Variants in KIAA0825 observed in about 807,000 individuals in gnomAD.
KIAA0825 encodes the protein uncharacterized protein KIAA0825.
A neutral mutation model predicts 147.6 loss-of-function variants in KIAA0825; 119 were observed. The observed-to-expected ratio is 0.81, with a 90% CI of 0.69 to 0.94. KIAA0825 has a LOEUF of 0.94. Ranked by LOEUF, KIAA0825 falls within the 40% of genes least tolerant of loss-of-function variation. The probability of loss-of-function intolerance (pLI) is 0.00; values close to 1 mark genes in which losing one functional copy is unlikely to be tolerated. For missense variants in KIAA0825, 1,381 were observed against 1,472.7 expected (o/e 0.94, Z 1.02); for synonymous variants, 470 against 518.1 (o/e 0.91, Z 1.26).
intron 1 of KIAA0825, among the ~76,000 whole-genome samples, chr5:94,600,950 G>A (rs1295867100): frequency 6.6e-6 from 1 of 152,122 alleles, no homozygotes; most frequent in Admixed American, 6.5e-5. Context: ...TAGAGGGAGG[G>A]GTTGGCCGCC....
At chr5:94,439,874 G>T in intron 14 of KIAA0825, 108 bp downstream of exon 14, 1 of 1,131,698 alleles carries the variant, frequency 8.8e-7, no homozygotes, top group Non-Finnish European at 1.2e-6. Context: ...GTTGATACAT[G>T]CTATTGGTTT....
At chr5:94,201,539 C>G (rs187406561) in intron 20 of KIAA0825, among the ~76,000 whole-genome samples, 23 of 151,974 alleles carry the variant, frequency 1.5e-4, no homozygotes, top group African/African-American at 5.3e-4. Context: ...TTCTGAGTAG[C>G]CTGGAATACA....
chr5:94,356,243 C>CA (rs1384864313), intron 20 of KIAA0825, among the ~76,000 whole-genome samples: 3 of 152,006 alleles, frequency 2.0e-5, no homozygotes, highest in African/African-American at 7.2e-5. Flanking sequence ...TCCAGTTGTG[C>CA]AAAAAGCAAA....
At chr5:94,171,730 A>G (rs1242570105) in intron 20 of KIAA0825, among the ~76,000 whole-genome samples, 1 of 152,114 alleles carries the variant, frequency 6.6e-6, no homozygotes, top group Non-Finnish European at 1.5e-5. Context: ...AGATTGTTTA[A>G]TTAAGATTGT....
At chr5:94,311,315 G>A (rs1466728625) in intron 20 of KIAA0825, among the ~76,000 whole-genome samples, 1 of 151,038 alleles carries the variant, frequency 6.6e-6, no homozygotes, top group East Asian at 1.9e-4. Context: ...TAAAAGAGCA[G>A]GGGGACGAAT....
At chr5:94,356,981 C>T (rs929613109) in intron 20 of KIAA0825, among the ~76,000 whole-genome samples, 1 of 151,950 alleles carries the variant, frequency 6.6e-6, no homozygotes, top group African/African-American at 2.4e-5. Context: ...CCTCGGCCTC[C>T]CAAAGTGCTG....
At chr5:94,237,095 T>C (rs1326140715) in intron 20 of KIAA0825, among the ~76,000 whole-genome samples, 4 of 151,860 alleles carry the variant, frequency 2.6e-5, no homozygotes, top group African/African-American at 7.3e-5. Flanking sequence ...GTGTAAGTTC[T>C]CTATATGTAT....
intron 20 of KIAA0825, among the ~76,000 whole-genome samples, chr5:94,206,943 G>A (rs1202249669): frequency 6.6e-6 from 1 of 152,104 alleles, no homozygotes; most frequent in Non-Finnish European, 1.5e-5. Context: ...ATACCACATT[G>A]CTGTTCTTTT....
intron 14 of KIAA0825, among the ~76,000 whole-genome samples, chr5:94,430,142 T>C (rs1391312368): frequency 6.6e-6 from 1 of 152,082 alleles, no homozygotes; most frequent in Non-Finnish European, 1.5e-5. Context: ...GGGTGTATAG[T>C]AGAGAGGGTC....
At chr5:94,588,557 T>C (rs1411332930) in intron 1 of KIAA0825, among the ~76,000 whole-genome samples, 1 of 152,200 alleles carries the variant, frequency 6.6e-6, no homozygotes, top group Non-Finnish European at 1.5e-5. Flanking sequence ...GGAGAGGATG[T>C]GGAGAAATAG....
At chr5:94,386,432 G>C in intron 18 of KIAA0825, 28 bp from the exon 19 acceptor site, 1 of 1,525,260 alleles carries the variant, frequency 6.6e-7, no homozygotes, top group South Asian at 1.2e-5. Flanking sequence ...TACAAGTTGT[G>C]ACGGTGAGAA....
At chr5:94,510,456 G>C (rs1349912740) in intron 5 of KIAA0825, among the ~76,000 whole-genome samples, 2 of 152,172 alleles carry the variant, frequency 1.3e-5, no homozygotes, top group Non-Finnish European at 2.9e-5. Flanking sequence ...TCTTTCTTCA[G>C]TGTTGAAAAG....
At chr5:94,284,799 T>C (rs774851560) in intron 20 of KIAA0825, among the ~76,000 whole-genome samples, 1 of 152,182 alleles carries the variant, frequency 6.6e-6, no homozygotes, top group Non-Finnish European at 1.5e-5. Context: ...CATCCTTTGA[T>C]TGCCCATTCA....
At chr5:94,529,449 TGTAGTG>T (rs1770309106) in intron 3 of KIAA0825, among the ~76,000 whole-genome samples, 4 of 141,508 alleles carry the variant, frequency 2.8e-5, no homozygotes, top group Admixed American at 7.0e-5. Context: ...TATGTATATA[TGTAGTG>T]TATATATATA....
At chr5:94,425,957 C>T (rs1055531682) in intron 14 of KIAA0825, among the ~76,000 whole-genome samples, 3 of 151,872 alleles carry the variant, frequency 2.0e-5, no homozygotes, top group Non-Finnish European at 4.4e-5. Context: ...AAGTGATCCT[C>T]CCAACTCAGC....
At position 94,180,417 on chromosome 5, in the gene KIAA0825, G is replaced by A. The variant is rs1325122723; in HGVS notation, c.3711-26293C>T. Among the ~76,000 whole-genome samples, 6 of 152,208 alleles carry A rather than the reference G, an allele frequency of 3.9e-5. No individual in the cohort carries two copies. The East Asian group carries it at 1.2e-3, about 29-fold the overall frequency. On this transcript the variant is annotated intron_variant, in intron 20 of 20. Coordinates refer to ENST00000682413, the MANE Select transcript of KIAA0825 (RefSeq NM_001145678.3). ...GATATGACAACTAAATGTAATGTGA[G>A]ATTTTGGAAAACAAAAGGATGATAA... is the stretch of plus-strand genomic sequence containing the variant.
chr5:94,224,228 C>T (rs997363422), intron 20 of KIAA0825, among the ~76,000 whole-genome samples: 3 of 150,962 alleles, frequency 2.0e-5, no homozygotes, highest in Non-Finnish European at 4.4e-5. Context: ...TCCTGAGTAG[C>T]TGGGATTACA....
At chr5:94,339,534 G>A (rs1004838513) in intron 20 of KIAA0825, among the ~76,000 whole-genome samples, 2 of 152,202 alleles carry the variant, frequency 1.3e-5, no homozygotes, top group Admixed American at 6.5e-5. Context: ...TAGCGTCAAC[G>A]CATTTTTATT....
At chr5:94,369,674 A>T (rs1746382378) in intron 20 of KIAA0825, among the ~76,000 whole-genome samples, 2 of 152,314 alleles carry the variant, frequency 1.3e-5, no homozygotes, top group African/African-American at 4.8e-5. Context: ...AAATAGGAAA[A>T]AATATCCTTT....
Sources: allele counts gnomAD v4.1 joint callset (sites outside exome capture counted in the v4.1 genomes callset), GRCh38; gene constraint gnomAD v4.1.1; transcripts MANE v1.5; gene names NCBI Gene and HGNC (gene_info 2026-07-23, HGNC 2026-07-21).